ASIC2: variants seen among roughly 807,000 people sequenced by gnomAD.
ASIC2 encodes acid-sensing ion channel 2.
ASIC2 carries 25 observed loss-of-function variants against 57.3 expected under a neutral mutation model. The observed-to-expected ratio is 0.44, with a 90% confidence interval of 0.32 to 0.61. The LOEUF is 0.61. Among genes scored for constraint, ASIC2 ranks in the 20% least tolerant of loss-of-function variants. The probability of loss-of-function intolerance (pLI) is 0.06; values close to 1 mark genes in which losing one functional copy is unlikely to be tolerated. For synonymous variants in ASIC2, 319 were observed against 307.5 expected, an observed-to-expected ratio of 1.04 and a Z score of -0.39; for missense variants, 641 against 738.1, an observed-to-expected ratio of 0.87 and a Z score of 1.52.
intron 1 of ASIC2, among the ~76,000 whole-genome samples, chr17:33,395,803 G>A (rs769184706): frequency 3.9e-5 from 6 of 152,058 alleles, no homozygotes; most frequent in Non-Finnish European, 8.8e-5. Flanking sequence ...TGAGATGCCT[G>A]GTAATTTGGA....
intron 1 of ASIC2, among the ~76,000 whole-genome samples, chr17:33,416,647 T>G (rs914876671): frequency 6.6e-6 from 1 of 152,196 alleles, no homozygotes; most frequent in African/African-American, 2.4e-5. Context: ...AAGATGGCAA[T>G]GGCTTTTTAA....
chr17:33,847,013 C>T (rs982724858), intron 1 of ASIC2, among the ~76,000 whole-genome samples: 3 of 152,042 alleles, frequency 2.0e-5, no homozygotes, highest in East Asian at 3.8e-4. Context: ...AGTTCTTATT[C>T]CCACCAGGAG....
chr17:33,509,301 C>T (rs552585078), intron 1 of ASIC2, among the ~76,000 whole-genome samples: 2 of 152,260 alleles, frequency 1.3e-5, no homozygotes, highest in Non-Finnish European at 1.5e-5. Flanking sequence ...CAGATTTCAC[C>T]CCCTTTAGGC....
intron 1 of ASIC2, among the ~76,000 whole-genome samples, chr17:33,884,054 C>T (rs546073794): frequency 3.9e-5 from 6 of 152,288 alleles, no homozygotes; most frequent in Admixed American, 3.9e-4. Flanking sequence ...GGTGGATATT[C>T]CTTGTTTGCA....
At chr17:34,053,379 G>A (rs921743683) in intron 1 of ASIC2, among the ~76,000 whole-genome samples, 1 of 152,186 alleles carries the variant, frequency 6.6e-6, no homozygotes, top group African/African-American at 2.4e-5. Flanking sequence ...AGCTGGGTGG[G>A]TGGTGGCTGT....
At chr17:33,277,658 T>C (rs540988282) in intron 1 of ASIC2, among the ~76,000 whole-genome samples, 1 of 152,152 alleles carries the variant, frequency 6.6e-6, no homozygotes, top group African/African-American at 2.4e-5. Context: ...AGCAGAGGAA[T>C]GTGGTGCTAA....
At chr17:33,392,144 A>G (rs1177471102) in intron 1 of ASIC2, among the ~76,000 whole-genome samples, 2 of 150,376 alleles carry the variant, frequency 1.3e-5, no homozygotes, top group Non-Finnish European at 1.5e-5. Context: ...TTCTGCCTGA[A>G]AGTCCCCTTT....
At chr17:33,168,198 C>A in intron 1 of ASIC2, among the ~76,000 whole-genome samples, 1 of 152,154 alleles carries the variant, frequency 6.6e-6, no homozygotes, top group East Asian at 1.9e-4. Flanking sequence ...GAACTGGGAG[C>A]GAAATAAACT....
intron 1 of ASIC2, among the ~76,000 whole-genome samples, chr17:33,925,320 A>G (rs1305408797): frequency 3.3e-5 from 5 of 152,236 alleles, no homozygotes; most frequent in African/African-American, 1.2e-4. Context: ...CATGCATGAC[A>G]CTTCTCGTCC....
chr17:33,484,466 A>G (rs1016549597), intron 1 of ASIC2, among the ~76,000 whole-genome samples: 2 of 152,228 alleles, frequency 1.3e-5, no homozygotes, highest in African/African-American at 4.8e-5. Context: ...TAGCCACATG[A>G]AAAAGACTAC....
At chr17:33,509,819 AG>A (rs1437472929) in intron 1 of ASIC2, among the ~76,000 whole-genome samples, 2 of 152,246 alleles carry the variant, frequency 1.3e-5, no homozygotes, top group Non-Finnish European at 2.9e-5. Flanking sequence ...AACTGGTGAA[AG>A]CAAGGCTAGA....
At chr17:33,534,653 A>G (rs1432142776) in intron 1 of ASIC2, 1 of 152,234 alleles carries the variant, frequency 6.6e-6, no homozygotes. Context: ...TAAAGGAGGA[A>G]AGGGAGCCTC....
At chr17:33,932,741 A>AAAAAAAAAAATATATATATATATAT (rs1555572867) in intron 1 of ASIC2, 2 of 58,716 alleles carry the variant, frequency 3.4e-5, no homozygotes, top group Non-Finnish European at 6.2e-5. Context: ...AAAAAAAAAA[A>AAAAAAAAAAATATATATATATATAT]ATATATATAT....
intron 1 of ASIC2, among the ~76,000 whole-genome samples, chr17:33,370,558 C>A (rs185444199): frequency 1.3e-5 from 2 of 152,292 alleles, no homozygotes; most frequent in Non-Finnish European, 2.9e-5. Context: ...TACTCAAAGA[C>A]CCTGGCCGTC....
At chr17:33,158,771 G>A (rs1905082199) in intron 1 of ASIC2, among the ~76,000 whole-genome samples, 1 of 152,156 alleles carries the variant, frequency 6.6e-6, no homozygotes, top group South Asian at 2.1e-4. Flanking sequence ...CCTATTTATG[G>A]CATCATGAAG....
intron 1 of ASIC2, among the ~76,000 whole-genome samples, chr17:33,607,624 G>A (rs958982887): frequency 2.0e-5 from 3 of 152,204 alleles, no homozygotes; most frequent in Non-Finnish European, 4.4e-5. Context: ...TCTCCCCGAT[G>A]AGGGAAACAG....
intron 1 of ASIC2, among the ~76,000 whole-genome samples, chr17:33,429,516 G>A (rs1911332654): frequency 6.6e-6 from 1 of 152,042 alleles, no homozygotes; most frequent in African/African-American, 2.4e-5. Context: ...TCAGCCTCCC[G>A]AGTAGCTGGG....
At chr17:33,867,451 G>T (rs904497186) in intron 1 of ASIC2, among the ~76,000 whole-genome samples, 4 of 152,182 alleles carry the variant, frequency 2.6e-5, no homozygotes, top group African/African-American at 4.8e-5. Flanking sequence ...ACTTACCAAG[G>T]TTGCACAGCT....
intron 1 of ASIC2, among the ~76,000 whole-genome samples, chr17:33,994,535 A>G (rs1353661576): frequency 6.6e-6 from 1 of 152,130 alleles, no homozygotes; most frequent in Non-Finnish European, 1.5e-5. Flanking sequence ...AGCCAGACCC[A>G]ATGTGTTTTT....
Sources: gnomAD v4.1 joint callset for allele counts (sites outside exome capture counted in the v4.1 genomes callset) on GRCh38, gnomAD v4.1.1 for gene constraint, MANE v1.5 for transcripts, NCBI Gene and HGNC (gene_info 2026-07-23, HGNC 2026-07-21) for gene names.